BCR: variants seen among roughly 807,000 people sequenced by gnomAD.
BCR encodes the protein BCR activator of RhoGEF and GTPase.
BCR carries 58 observed loss-of-function variants against 138.6 expected under a neutral mutation model. The ratio of observed to expected loss-of-function variants is 0.42; its 90% CI spans 0.34 to 0.52. BCR has a LOEUF of 0.52. BCR is among the 20% of genes least tolerant of loss of function. BCR has a pLI of 0.06. For synonymous variants in BCR, 786 were observed against 730.1 expected, an observed-to-expected ratio of 1.08 and a Z score of -1.23; for missense variants, 1,599 against 1,727.2, an observed-to-expected ratio of 0.93 and a Z score of 1.32.
At chr22:23,210,422 G>GAAAAAAAAAA (rs1050301471) in intron 1 of BCR, among the ~76,000 whole-genome samples, 1 of 101,824 alleles carries the variant, frequency 9.8e-6, no homozygotes, top group African/African-American at 3.3e-5. Flanking sequence ...GTCTCAAAAA[G>GAAAAAAAAAA]AAAAAAAAAA....
chr22:23,200,670 C>T (rs1339163475), intron 1 of BCR, among the ~76,000 whole-genome samples: 1 of 152,164 alleles, frequency 6.6e-6, no homozygotes, highest in Non-Finnish European at 1.5e-5. Flanking sequence ...GCGATTCTCC[C>T]ACCTCAGCCT....
chr22:23,301,867 C>T (rs1488869796), intron 16 of BCR, among the ~76,000 whole-genome samples: 1 of 152,212 alleles, frequency 6.6e-6, no homozygotes, highest in Non-Finnish European at 1.5e-5. Flanking sequence ...TCAAATGGCT[C>T]ATTCAGGCTC....
At chr22:23,246,414 T>C (rs542717357) in intron 1 of BCR, among the ~76,000 whole-genome samples, 1 of 152,338 alleles carries the variant, frequency 6.6e-6, no homozygotes, top group South Asian at 2.1e-4. Context: ...GACATTTGGA[T>C]TGTTTCTACC....
At chr22:23,224,170 G>C (rs919610628) in intron 1 of BCR, among the ~76,000 whole-genome samples, 11 of 152,168 alleles carry the variant, frequency 7.2e-5, no homozygotes, top group Admixed American at 1.3e-4. Context: ...TGTTGTCCTG[G>C]GCCACCTCTC....
intron 1 of BCR, among the ~76,000 whole-genome samples, chr22:23,253,416 C>A (rs548393494): frequency 4.2e-4 from 64 of 152,282 alleles, no homozygotes; most frequent in African/African-American, 1.4e-3. Flanking sequence ...TATCCAGGAG[C>A]CCCAGCCACC....
At chr22:23,198,192 C>T in intron 1 of BCR, 1 of 388,318 alleles carries the variant, frequency 2.6e-6, no homozygotes, top group East Asian at 8.4e-5. Context: ...CTAAATTGGA[C>T]CACAGTGTCC....
rs556436020 is a variant in BCR, at chr22:23,312,733, A to G, written c.3323-154A>G. ...ACTCTGCAGACACAGAACCATGCAC[A>G]GCTCTTGGGAGGAGTCAGATGAGCT... On this transcript the variant is annotated intron_variant, in intron 19 of 22. Coordinates refer to ENST00000305877, the MANE Select transcript of BCR (RefSeq NM_004327.4). 4.8e-4 allele frequency: 302 copies of G among 628,596 alleles called. 1 individual carries two copies. In the Middle Eastern group the frequency reaches 0.011, roughly 23 times the overall value. The allele number at this position is 628,596 out of a possible 1,614,324, so 38.9% of individuals were successfully genotyped here.
chr22:23,296,279 CAGG>C (rs1325237587), intron 16 of BCR, among the ~76,000 whole-genome samples: 1 of 147,414 alleles, frequency 6.8e-6, no homozygotes, highest in Non-Finnish European at 1.5e-5. Flanking sequence ...GAGGCCGAGG[CAGG>C]AGAATGGCAT....
At chr22:23,204,798 G>A (rs979845590) in intron 1 of BCR, among the ~76,000 whole-genome samples, 8 of 152,178 alleles carry the variant, frequency 5.3e-5, no homozygotes, top group African/African-American at 1.9e-4. Flanking sequence ...CCTGCCGTCC[G>A]CGTGGATGGG....
intron 16 of BCR, among the ~76,000 whole-genome samples, chr22:23,297,823 G>A (rs1284964965): frequency 6.7e-6 from 1 of 148,594 alleles, no homozygotes; most frequent in African/African-American, 2.6e-5. Context: ...GGGTCTCAGT[G>A]AAAGAGAGAA....
In BCR at chr22:23,276,407, GAAAA is replaced by G. The variant is rs144153786; in HGVS notation, c.2115+2645_2115+2648del. The stretch of plus-strand genomic sequence containing the variant: ...GAGCGAGATTCTGTCTCAAAAAAAA[GAAAA>G]AAAAAAAAAAAGGGCTGGTTGCTTC... On this transcript the variant is annotated intron_variant, in intron 8 of 22. Transcript: ENST00000305877. 4.0e-5 allele frequency among the ~76,000 whole-genome samples: 5 copies of G among 125,336 alleles called. No homozygotes were observed. In the Admixed American group the frequency reaches 4.0e-4, roughly 10 times the overall value. 82.2% of individuals were successfully genotyped at this position (125,336 alleles called of 152,430 possible).
At chr22:23,311,578 C>G in intron 18 of BCR, 119 bp from the exon 19 acceptor site, 3 of 722,552 alleles carry the variant, frequency 4.2e-6, no homozygotes, top group Non-Finnish European at 7.2e-6. Context: ...AGCCCCAGAC[C>G]TGGGTACCTT....
At chr22:23,205,266 C>G (rs959774475) in intron 1 of BCR, among the ~76,000 whole-genome samples, 1 of 152,220 alleles carries the variant, frequency 6.6e-6, no homozygotes, top group Non-Finnish European at 1.5e-5. Context: ...GATACCGGCA[C>G]TGAACGTTGT....
rs567012172 is a variant in BCR at position 23,280,521 on chromosome 22, G to A, written c.2116-3456G>A. Among the ~76,000 whole-genome samples the A allele has an allele frequency of 3.0e-4, 45 of 152,314 alleles. 2 individuals are homozygous for A. Among genetic ancestry groups the A allele is most frequent in the Middle Eastern group, 3.4e-3 (1 of 294 alleles). On this transcript the variant is annotated intron_variant, in intron 8 of 22. Coordinates refer to ENST00000305877, the MANE Select transcript of BCR (RefSeq NM_004327.4). ...GGACATGGCGAAGGGTGACAGCCCC[G>A]TGTGAGGCCCTGCAGGTCGCAGTTT...
At chr22:23,222,104 A>AGAGAG (rs1555876402) in intron 1 of BCR, among the ~76,000 whole-genome samples, 1 of 151,700 alleles carries the variant, frequency 6.6e-6, no homozygotes, top group Admixed American at 6.6e-5. Context: ...AAACAAAAAA[A>AGAGAG]AGAGAGAGAA....
chr22:23,256,748 T>C (rs1197007774), intron 2 of BCR, among the ~76,000 whole-genome samples: 1 of 152,110 alleles, frequency 6.6e-6, no homozygotes, highest in Non-Finnish European at 1.5e-5. Context: ...GTCCTGAAGC[T>C]CAGTTCCAGC....
chr22:23,244,758 C>G (rs5759660), intron 1 of BCR, among the ~76,000 whole-genome samples: 29,034 of 152,184 alleles, frequency 0.19, 3,376 homozygotes, highest in East Asian at 0.54. Context: ...CCCCAGAGTC[C>G]TAAAAAGCCC....
At chr22:23,293,939 C>T (rs1568978048) in intron 15 of BCR, among the ~76,000 whole-genome samples, 1 of 152,204 alleles carries the variant, frequency 6.6e-6, no homozygotes, top group Non-Finnish European at 1.5e-5. Context: ...ACAGCACCGT[C>T]AGGGTGATGG....
intron 16 of BCR, among the ~76,000 whole-genome samples, chr22:23,305,158 A>G (rs1230363880): frequency 6.6e-6 from 1 of 150,544 alleles, no homozygotes; most frequent in Non-Finnish European, 1.5e-5. Context: ...AGGAGAGCAG[A>G]TTGTGGTCAT....
Sources: gnomAD v4.1 joint callset for allele counts (sites outside exome capture counted in the v4.1 genomes callset) on GRCh38, gnomAD v4.1.1 for gene constraint, MANE v1.5 for transcripts, NCBI Gene and HGNC (gene_info 2026-07-23, HGNC 2026-07-21) for gene names.